SLCO3A1: variants seen among roughly 807,000 people sequenced by gnomAD.
SLCO3A1 encodes the protein PGE1 transporter.
A neutral mutation model predicts 63.1 loss-of-function variants in SLCO3A1; 27 were observed. The ratio of observed to expected loss-of-function variants is 0.43; its 90% CI spans 0.32 to 0.59. SLCO3A1 has a LOEUF of 0.59. SLCO3A1 is among the 20% of genes least tolerant of loss of function. SLCO3A1 has a pLI of 0.09. For missense variants in SLCO3A1, 773 were observed against 945.8 expected (o/e 0.82, Z 2.40); for synonymous variants, 473 against 409.9 (o/e 1.15, Z -1.86).
intron 2 of SLCO3A1, among the ~76,000 whole-genome samples, chr15:92,038,570 G>T (rs1310311331): frequency 6.6e-6 from 1 of 152,098 alleles, no homozygotes; most frequent in Non-Finnish European, 1.5e-5. Context: ...TCTTCAAGGG[G>T]AGCTACAAAC....
At chr15:91,917,241 ATT>A (rs35306474) in intron 2 of SLCO3A1, among the ~76,000 whole-genome samples, 1 of 150,864 alleles carries the variant, frequency 6.6e-6, no homozygotes, top group Non-Finnish European at 1.5e-5. Flanking sequence ...CAGCTGCTGG[ATT>A]TTTCTGACAT....
At chr15:92,071,869 C>T (rs1400146260) in intron 2 of SLCO3A1, among the ~76,000 whole-genome samples, 2 of 152,212 alleles carry the variant, frequency 1.3e-5, no homozygotes, top group South Asian at 2.1e-4. Context: ...GTGTCTTAGT[C>T]GTAATCTGGG....
chr15:91,926,962 A>T (rs1233140577), intron 2 of SLCO3A1, among the ~76,000 whole-genome samples: 4 of 152,166 alleles, frequency 2.6e-5, no homozygotes, highest in Non-Finnish European at 4.4e-5. Flanking sequence ...AGATAAGTCT[A>T]GCTAGTTGAG....
chr15:92,123,874 A>G (rs2047891365), intron 5 of SLCO3A1, among the ~76,000 whole-genome samples: 1 of 152,222 alleles, frequency 6.6e-6, no homozygotes, highest in Non-Finnish European at 1.5e-5. Flanking sequence ...TCAAAAAAAC[A>G]ATTCTGCCTT....
chr15:92,033,880 G>C lies in SLCO3A1; in HGVS notation c.647-61001G>C, dbSNP rs186889053. ...AAACATTCCAGACAGACCAGTGAGG[G>C]CTGAGGCTTATTAGGGCTGGAGCAG... On this transcript the variant is annotated intron_variant, in intron 2 of 9. Transcript: ENST00000318445. This position sits in a 1 kb window ranked among gnomAD's most constrained non-coding sequence, Gnocchi z 4.5. Among the ~76,000 whole-genome samples, 1 of 152,146 alleles carries C rather than the reference G, an allele frequency of 6.6e-6. No individual in the cohort carries two copies. Among genetic ancestry groups the C allele is most frequent in the Non-Finnish European group, 1.5e-5 (1 of 68,028 alleles).
At chr15:92,152,991 T>C (rs2151595234) in intron 9 of SLCO3A1, among the ~76,000 whole-genome samples, 1 of 152,332 alleles carries the variant, frequency 6.6e-6, no homozygotes, top group Middle Eastern at 3.4e-3. Flanking sequence ...AAGGTATTTC[T>C]GAAAAGTTAA....
At chr15:92,021,996 T>C (rs1331417496) in intron 2 of SLCO3A1, among the ~76,000 whole-genome samples, 1 of 152,156 alleles carries the variant, frequency 6.6e-6, no homozygotes, top group African/African-American at 2.4e-5. Flanking sequence ...GCAAAGCCAA[T>C]ACATTTTATT....
In SLCO3A1 at chr15:91,856,779, C is replaced by T. The variant is rs1257069014; in HGVS notation, c.180+2691C>T. The stretch of plus-strand genomic sequence containing the variant: ...TTGCCTTGGGACAGTGCCAGTAATG[C>T]TCCCTTTCACAGAGAGGAGGGTGGT... On this transcript the variant is annotated intron_variant, in intron 1 of 9. Transcript: ENST00000318445. This position sits in a 1 kb window ranked among gnomAD's most constrained non-coding sequence, Gnocchi z 4.9. Among the ~76,000 whole-genome samples, 2 of 152,174 alleles carry T rather than the reference C, an allele frequency of 1.3e-5. No homozygotes were observed. The highest frequency in any genetic ancestry group is 2.4e-5 in the African/African-American group (1 of 41,448).
intron 2 of SLCO3A1, among the ~76,000 whole-genome samples, chr15:91,975,446 G>A (rs535335839): frequency 5.9e-5 from 9 of 152,332 alleles, no homozygotes; most frequent in Non-Finnish European, 7.4e-5. Context: ...AGAAGTTACA[G>A]GAGGAACCAT....
At chr15:91,881,170 G>A (rs1165484161) in intron 1 of SLCO3A1, among the ~76,000 whole-genome samples, 3 of 152,132 alleles carry the variant, frequency 2.0e-5, no homozygotes, top group Admixed American at 6.5e-5. Flanking sequence ...TGGCCAGCTT[G>A]GTCCCTCCAA....
At chr15:91,966,277 G>T in intron 2 of SLCO3A1, among the ~76,000 whole-genome samples, 1 of 152,180 alleles carries the variant, frequency 6.6e-6, no homozygotes, top group East Asian at 1.9e-4. Context: ...AGAGAAAAGA[G>T]TTCAGGCTTT....
chr15:92,162,926 A>G lies in SLCO3A1; in HGVS notation c.1924A>G (p.Thr642Ala), dbSNP rs749659401. Residue 642 changes from threonine to alanine, a missense_variant, in exon 10 of 10, where the codon ACC (threonine) becomes GCC (alanine). Thr to Ala is a moderately conservative substitution (Grantham distance 58). This residue lies in a region of SLCO3A1 where 139 missense variants were observed against 131.4 expected (regional missense o/e 1.06). Coordinates refer to ENST00000318445, the MANE Select transcript of SLCO3A1 (RefSeq NM_013272.4). ...ALKSFAFILY[T>A]TTWQCLRKNY... The stretch of plus-strand genomic sequence containing the variant: ...CAAATCCTTCGCCTTCATCCTGTAC[A>G]CCACCACGTGGCAGTGCCTGAGGAA... The G allele has an allele frequency of 1.9e-6, 3 of 1,614,026 alleles. No homozygotes were observed. Among genetic ancestry groups the G allele is most frequent in the South Asian group, 1.1e-5 (1 of 91,088 alleles).
intron 2 of SLCO3A1, among the ~76,000 whole-genome samples, chr15:92,023,460 T>C (rs1002973141): frequency 2.6e-5 from 4 of 152,056 alleles, no homozygotes; most frequent in African/African-American, 7.2e-5. Context: ...AAAGGTGAGG[T>C]TGAATTTTTT....
chr15:92,047,068 TAC>T (rs1253486530), intron 2 of SLCO3A1, among the ~76,000 whole-genome samples: 1 of 31,336 alleles, frequency 3.2e-5, no homozygotes, highest in African/African-American at 1.4e-4. Flanking sequence ...TAAATATATA[TAC>T]AAATATATAT....
intron 2 of SLCO3A1, among the ~76,000 whole-genome samples, chr15:91,961,578 C>G (rs961397076): frequency 2.0e-5 from 3 of 152,194 alleles, no homozygotes; most frequent in African/African-American, 4.8e-5. Flanking sequence ...AGTGTATTTT[C>G]CCCTACAGTG....
intron 7 of SLCO3A1, among the ~76,000 whole-genome samples, chr15:92,142,676 G>C (rs547262618): frequency 1.3e-5 from 2 of 152,110 alleles, no homozygotes. Flanking sequence ...CTGTCTGCTC[G>C]CCTCATTAAC....
chr15:91,868,556 C>T (rs1019196980), intron 1 of SLCO3A1, among the ~76,000 whole-genome samples: 9 of 152,128 alleles, frequency 5.9e-5, no homozygotes, highest in Non-Finnish European at 2.9e-5. Flanking sequence ...TGCATTGATG[C>T]GTGACTTCCA....
chr15:92,140,161 G>C (rs1327272189), intron 7 of SLCO3A1, among the ~76,000 whole-genome samples: 1 of 111,246 alleles, frequency 9.0e-6, no homozygotes, highest in Non-Finnish European at 1.8e-5. Context: ...GCGTCCCAGA[G>C]ATTCTGGTAT....
rs1169020826 is a variant in SLCO3A1, at chr15:91,912,989, ATGTT to A, written c.181-2996_181-2993del. Among the ~76,000 whole-genome samples the A allele has an allele frequency of 6.6e-6, 1 of 152,158 alleles. No individual in the cohort carries two copies. The highest frequency in any genetic ancestry group is 1.5e-5 in the Non-Finnish European group (1 of 68,036). On this transcript the variant is annotated intron_variant, in intron 1 of 9. Coordinates refer to ENST00000318445, the MANE Select transcript of SLCO3A1 (RefSeq NM_013272.4). The surrounding 1 kb of genome is among the most constrained non-coding windows in gnomAD (Gnocchi z 5.0). ...AAATCATTTATTCCATCATGTATGT[ATGTT>A]TGTTTGTGTTGCGAAGGAAAGTAGT...
Sources: gnomAD v4.1 joint callset for allele counts (sites outside exome capture counted in the v4.1 genomes callset) on GRCh38, gnomAD v4.1.1 for gene constraint, gnomAD v4.1.1 regional missense constraint, Gnocchi (gnomAD v3.1) non-coding constraint, MANE v1.5 for transcripts, NCBI Gene and HGNC (gene_info 2026-07-23, HGNC 2026-07-21) for gene names.